The following MIPOL1 variants were observed in gnomAD, a reference collection of about 807,000 sequenced individuals.
The protein encoded by MIPOL1 is mirror-image polydactyly 1, also known as mirror-image polydactyly gene 1 protein.
A neutral mutation model predicts 60.9 loss-of-function variants in MIPOL1; 57 were observed. The ratio of observed to expected loss-of-function variants is 0.94; its 90% CI spans 0.76 to 1.17. The LOEUF is 1.17. MIPOL1 is among the 50% of genes most tolerant of loss of function. The pLI is 0.00. For missense variants in MIPOL1, 551 were observed against 511.6 expected, an observed-to-expected ratio of 1.08 and a Z score of -0.74; for synonymous variants, 179 against 168.8, an observed-to-expected ratio of 1.06 and a Z score of -0.47.
intron 7 of MIPOL1, among the ~76,000 whole-genome samples, chr14:37,295,926 A>G (rs2085621671): frequency 6.6e-6 from 1 of 152,134 alleles, no homozygotes; most frequent in Non-Finnish European, 1.5e-5. Flanking sequence ...ATATCCAGGA[A>G]TTGAACTCAG....
chr14:37,401,162 G>A (rs1393075422), intron 10 of MIPOL1: 1 of 152,082 alleles, frequency 6.6e-6, no homozygotes, highest in African/African-American at 2.4e-5. Flanking sequence ...CAAGGAAATG[G>A]AGTGAAATGA....
chr14:37,527,784 A>G (rs2095456810), intron 12 of MIPOL1, among the ~76,000 whole-genome samples: 2 of 152,096 alleles, frequency 1.3e-5, no homozygotes, highest in Non-Finnish European at 2.9e-5. Flanking sequence ...TTTGTATACC[A>G]CATGTCCCCT....
intron 3 of MIPOL1, among the ~76,000 whole-genome samples, chr14:37,263,022 A>G (rs1228481810): frequency 3.3e-5 from 5 of 152,172 alleles, no homozygotes; most frequent in Admixed American, 2.6e-4. Context: ...ACTTTTGGCA[A>G]TGAGTCATGA....
intron 3 of MIPOL1, among the ~76,000 whole-genome samples, chr14:37,255,749 G>C (rs1194715404): frequency 1.3e-5 from 2 of 151,740 alleles, no homozygotes; most frequent in Admixed American, 6.6e-5. Flanking sequence ...ATTCTTATCT[G>C]TAGCTTTTGG....
At chr14:37,345,634 C>T (rs939278377) in intron 9 of MIPOL1, among the ~76,000 whole-genome samples, 1 of 152,128 alleles carries the variant, frequency 6.6e-6, no homozygotes, top group Admixed American at 6.5e-5. Context: ...GATCTGGAAT[C>T]AGCCAAACAT....
chr14:37,403,342 CT>C (rs2093524261), intron 10 of MIPOL1, among the ~76,000 whole-genome samples: 1 of 145,526 alleles, frequency 6.9e-6, no homozygotes, highest in Non-Finnish European at 1.5e-5. Flanking sequence ...TGGTAATGTG[CT>C]TATCTCTTTT....
downstream of MIPOL1, chr14:37,551,523 T>C (rs1208658165): frequency 2.0e-5 from 3 of 152,024 alleles, no homozygotes; most frequent in African/African-American, 7.2e-5. Context: ...AAGAGAAATA[T>C]CATTTTTAGT....
At chr14:37,199,175 C>T (rs1472378845) in intron 1 of MIPOL1, among the ~76,000 whole-genome samples, 1 of 152,066 alleles carries the variant, frequency 6.6e-6, no homozygotes, top group Non-Finnish European at 1.5e-5. Context: ...GTGTACAGCT[C>T]GGTGAATTTT....
At chr14:37,283,267 A>G (rs191912187) in intron 6 of MIPOL1, among the ~76,000 whole-genome samples, 3 of 152,168 alleles carry the variant, frequency 2.0e-5, no homozygotes, top group Non-Finnish European at 2.9e-5. Flanking sequence ...GGGTTTTGCC[A>G]TGTTGGCCAA....
At chr14:37,396,520 C>T (rs536476149) in intron 10 of MIPOL1, among the ~76,000 whole-genome samples, 14 of 152,164 alleles carry the variant, frequency 9.2e-5, no homozygotes, top group African/African-American at 3.1e-4. Context: ...ATGTGTAGGT[C>T]TCTAGCAATG....
intron 12 of MIPOL1, among the ~76,000 whole-genome samples, chr14:37,539,905 A>G (rs962843349): frequency 1.3e-5 from 2 of 152,174 alleles, no homozygotes; most frequent in Non-Finnish European, 2.9e-5. Context: ...GAGGGACCAG[A>G]TGGAGATAAT....
At chr14:37,329,871 C>A (rs2089514411) in intron 9 of MIPOL1, among the ~76,000 whole-genome samples, 2 of 151,976 alleles carry the variant, frequency 1.3e-5, no homozygotes, top group African/African-American at 4.8e-5. Flanking sequence ...TTGAGAAAAT[C>A]CATTGAAGTT....
rs578162616 is a variant in MIPOL1, at chr14:37,351,889, G to A, written c.829-17628G>A. ...GTTCACTCTGATGGTAGTTTCTCTT[G>A]CTGTGCAGAAGCTCTTTAATTAGAT... On this transcript the variant is annotated intron_variant, in intron 9 of 12. Coordinates refer to ENST00000684589, the MANE Select transcript of MIPOL1 (RefSeq NM_001388067.1). Among the ~76,000 whole-genome samples, 17 of 151,654 alleles carry A rather than the reference G, an allele frequency of 1.1e-4. No homozygotes were observed. The South Asian group carries it at 3.6e-3, about 32-fold the overall frequency.
chr14:37,377,010 C>T (rs914370822), intron 10 of MIPOL1, among the ~76,000 whole-genome samples: 17 of 151,996 alleles, frequency 1.1e-4, no homozygotes, highest in Non-Finnish European at 4.4e-5. Flanking sequence ...CATTTTTGTC[C>T]TAATGACTCT....
intron 10 of MIPOL1, among the ~76,000 whole-genome samples, chr14:37,372,664 A>G (rs1307433056): frequency 6.6e-6 from 1 of 151,766 alleles, no homozygotes; most frequent in Non-Finnish European, 1.5e-5. Context: ...CTGAGGCAGG[A>G]GAATTGCTTC....
chr14:37,207,531 A>G (rs1966278056), intron 1 of MIPOL1, among the ~76,000 whole-genome samples: 1 of 127,716 alleles, frequency 7.8e-6, no homozygotes, highest in African/African-American at 3.8e-5. Flanking sequence ...ATTTGAGGAT[A>G]TGATATTATT....
intron 12 of MIPOL1, among the ~76,000 whole-genome samples, chr14:37,521,261 T>A (rs1445116888): frequency 1.3e-5 from 2 of 152,128 alleles, no homozygotes; most frequent in African/African-American, 4.8e-5. Flanking sequence ...AATAAAACAA[T>A]AGAGCCTCTG....
Position 37,548,470 on chromosome 14 carries a change from T to G in MIPOL1, c.*1499T>G, listed in dbSNP as rs2095553733. On this transcript the variant is annotated 3_prime_UTR_variant, in exon 13 of 13. Coordinates refer to ENST00000684589, the MANE Select transcript of MIPOL1 (RefSeq NM_001388067.1). Reference sequence around the variant, plus strand: ...AGGGGTTAAAAATAAACTGATTTAATTTGCTCTATAGTCCTAAAGAGAATT... The same window carrying G: ...AGGGGTTAAAAATAAACTGATTTAAGTTGCTCTATAGTCCTAAAGAGAATT... 1.3e-5 allele frequency: 2 copies of G among 152,050 alleles called. No homozygotes were observed. The highest frequency in any genetic ancestry group is 2.1e-4 in the South Asian group (1 of 4,836). The allele number at this position is 152,050 out of a possible 1,614,324, so 9.4% of individuals were successfully genotyped here. A position where few individuals can be genotyped will look rare whatever the true frequency, so the allele number is the denominator to read the frequency against.
At chr14:37,292,999 G>C (rs139285025) in intron 7 of MIPOL1, among the ~76,000 whole-genome samples, 3 of 152,156 alleles carry the variant, frequency 2.0e-5, no homozygotes, top group African/African-American at 7.2e-5. Context: ...ATGCTATCTG[G>C]CCTCTCTATA....
Sources: gnomAD v4.1 joint callset for allele counts (sites outside exome capture counted in the v4.1 genomes callset) on GRCh38, gnomAD v4.1.1 for gene constraint, MANE v1.5 for transcripts, NCBI Gene and HGNC (gene_info 2026-07-23, HGNC 2026-07-21) for gene names.